Variants in FAT2 observed in about 807,000 individuals in gnomAD.
The protein encoded by FAT2 is FAT atypical cadherin 2.
In FAT2, 150 loss-of-function variants were observed where a neutral mutation model predicts 295.3. The ratio of observed to expected loss-of-function variants is 0.51; its 90% confidence interval spans 0.44 to 0.58. The LOEUF (loss-of-function observed/expected upper bound fraction) is 0.58. Among genes scored for constraint, FAT2 ranks in the 20% least tolerant of loss-of-function variants. The pLI is 0.00. For missense variants in FAT2, 4,868 were observed against 5,442.7 expected (o/e 0.89, Z 3.32); for synonymous variants, 2,026 against 2,150.3 (o/e 0.94, Z 1.60).
In FAT2 at chr5:151,544,890, G is replaced by C. The variant is rs758833250; in HGVS notation, c.6237C>G (p.Ile2079Met). ...CATCCCCTGGCTCTGTGCCATCTTG[G>C]ATGATTGTGTAATAGGGCAGATGCT... Reference protein sequence around the residue: ...KFKHLPYYTIIQDGTEPGDVL... With the variant: ...KFKHLPYYTIMQDGTEPGDVL... The change falls in exon 10 of 24, where the codon ATC becomes ATG. Residue 2079 changes from isoleucine to methionine, a missense_variant. Physicochemically the swap from Ile to Met is conservative, Grantham distance 10. This residue lies in a region of FAT2 where 3,297 missense variants were observed against 3,669.4 expected (regional missense o/e 0.90). Transcript: ENST00000261800. 6.2e-7 allele frequency: 1 copy of C among 1,614,146 alleles called. No homozygotes were observed. The highest frequency in any genetic ancestry group is 8.5e-7 in the Non-Finnish European group (1 of 1,180,024).
chr5:151,525,632 A>C, intron 18 of FAT2, 136 bp downstream of exon 18: 1 of 889,422 alleles, frequency 1.1e-6, no homozygotes, highest in Non-Finnish European at 1.7e-6. Flanking sequence ...TAGTCCTGAG[A>C]AGGACCTAGC....
Position 151,545,167 on chromosome 5 carries a change from A to C in FAT2, c.5960T>G (p.Leu1987Arg). Reference sequence around the variant, plus strand: ...ATTGCCCTGGGCACCAAGAATCACCAGTGCCTTTCTGTCCTGCAAGTTCTC... The same window carrying C: ...ATTGCCCTGGGCACCAAGAATCACCCGTGCCTTTCTGTCCTGCAAGTTCTC... ...VKENLQDRKA[L>R]VILGAQGNHL... is the part of the protein sequence containing the mutation. The change falls in exon 10 of 24, where the codon CTG becomes CGG. Residue 1987 changes from leucine to arginine, a missense_variant. By Grantham distance (102) the Leu-to-Arg change is moderately radical. Transcript: ENST00000261800. 1 of 1,614,218 alleles carries C rather than the reference A, an allele frequency of 6.2e-7. No homozygotes were observed. Among genetic ancestry groups the C allele is most frequent in the East Asian group, 2.2e-5 (1 of 44,888 alleles).
chr5:151,578,959 A>T (rs1758843927), intron 1 of FAT2, among the ~76,000 whole-genome samples: 1 of 152,266 alleles, frequency 6.6e-6, no homozygotes, highest in Non-Finnish European at 1.5e-5. Context: ...AACAGTGAAT[A>T]GAATGATGGT....
intron 20 of FAT2, among the ~76,000 whole-genome samples, chr5:151,516,845 C>A (rs530086256): frequency 6.6e-6 from 1 of 152,214 alleles, no homozygotes; most frequent in Admixed American, 6.5e-5. Context: ...GTGGTTCATG[C>A]CTGTAATCCT....
chr5:151,542,504 C>T lies in FAT2; in HGVS notation c.8623G>A (p.Val2875Met), dbSNP rs1471295609. ...GTCTGTCCGTGGTCATAGGCCACCACATGAAAATGATAAGTCTGGCAGGTC... is the reference window on the plus strand; with the variant it reads ...GTCTGTCCGTGGTCATAGGCCACCATATGAAAATGATAAGTCTGGCAGGTC... ...CETCQTYHFH[V>M]VAYDHGQTIQ... Residue 2875 changes from valine to methionine, a missense_variant, in exon 10 of 24, where the codon GTG becomes ATG. Val to Met is a conservative substitution (Grantham distance 21). Coordinates refer to ENST00000261800, the MANE Select transcript of FAT2 (RefSeq NM_001447.3). The T allele has an allele frequency of 1.2e-6, 2 of 1,614,188 alleles. No homozygotes were observed. Among genetic ancestry groups the T allele is most frequent in the East Asian group, 2.2e-5 (1 of 44,876 alleles).
At chr5:151,534,667 G>T in intron 12 of FAT2, 25 bp from the exon 13 acceptor site, 1 of 1,588,820 alleles carries the variant, frequency 6.3e-7, no homozygotes, top group East Asian at 2.3e-5. Flanking sequence ...GACAAAAGTT[G>T]AGCTTTCTCT....
chr5:151,505,995 G>C lies in FAT2; in HGVS notation c.12620C>G (p.Ala4207Gly). The C allele has an allele frequency of 1.3e-6, 2 of 1,573,488 alleles. No homozygotes were observed. Among genetic ancestry groups the C allele is most frequent in the East Asian group, 2.2e-5 (1 of 44,622 alleles). Residue 4207 changes from alanine to glycine, a missense_variant, in exon 24 of 24, where the codon GCT (alanine) becomes GGT (glycine). This residue lies in a region of FAT2 where 492 missense variants were observed against 482.6 expected (regional missense o/e 1.02). Transcript: ENST00000261800. Reference protein sequence around the residue: ...EVTQGPLPPSAHRHSTPVVMP... With the variant: ...EVTQGPLPPSGHRHSTPVVMP... ...CACGACTGGGGTTGAGTGGCGGTGA[G>C]CCGAGGGCGGCAGAGGGCCCTGAGT...
At position 151,533,506 on chromosome 5, in the gene FAT2, G is replaced by A. The variant is rs189873568; in HGVS notation, c.9427+903C>T. The stretch of plus-strand genomic sequence containing the variant: ...CCTCCCTAGAACCCCTACATCCCTC[G>A]AATATCTCACCTCCTTCAATGCCAA... On this transcript the variant is annotated intron_variant, in intron 13 of 23. Transcript: ENST00000261800. Among the ~76,000 whole-genome samples the A allele has an allele frequency of 2.0e-3, 294 of 150,720 alleles. 2 individuals are homozygous for A. The highest frequency in any genetic ancestry group is 7.0e-3 in the African/African-American group (285 of 41,006).
chr5:151,563,683 A>G (rs1183146023), intron 2 of FAT2, 44 bp from the exon 3 acceptor site: 1 of 1,561,564 alleles, frequency 6.4e-7, no homozygotes, highest in Admixed American at 1.8e-5. Flanking sequence ...TTAGAGCTCA[A>G]AGTGGCTTTA....
At chr5:151,565,318 T>C (rs1445711326) in intron 2 of FAT2, among the ~76,000 whole-genome samples, 1 of 151,914 alleles carries the variant, frequency 6.6e-6, no homozygotes, top group Admixed American at 6.6e-5. Context: ...GAAAGAAACT[T>C]TAGAAGATTA....
At chr5:151,516,145 C>G (rs1752842015) in intron 20 of FAT2, among the ~76,000 whole-genome samples, 2 of 152,186 alleles carry the variant, frequency 1.3e-5, no homozygotes, top group African/African-American at 4.8e-5. Flanking sequence ...CTAACTTTCT[C>G]ACCCTCTCCA....
intron 10 of FAT2, among the ~76,000 whole-genome samples, chr5:151,541,179 C>A (rs921293002): frequency 6.6e-6 from 1 of 152,106 alleles, no homozygotes; most frequent in Non-Finnish European, 1.5e-5. Flanking sequence ...AACTAAGGAC[C>A]CACCCTAAGT....
rs780106795 is a variant in FAT2, at chr5:151,544,789, TA to T, written c.6337del (p.Tyr2113ThrfsTer24). 6.2e-7 allele frequency: 1 copy of T among 1,614,194 alleles called. No individual in the cohort carries two copies. The highest frequency in any genetic ancestry group is 1.3e-5 in the African/African-American group (1 of 75,050). On this transcript the variant is annotated frameshift_variant, in exon 10 of 24. Transcript: ENST00000261800. LOFTEE classifies it high-confidence loss of function. Reference sequence around the variant, plus strand: ...ATAGGGGTCAATTCGGAAATATGTGTAATCTTCTGCAAATTCATATGTAACA... The same window carrying T: ...ATAGGGGTCAATTCGGAAATATGTGTATCTTCTGCAAATTCATATGTAACA... ...GAVTYEFAED[Y>X]TYFRIDPYLG...
In FAT2 at chr5:151,555,570, A is replaced by C. The variant is rs912673866; in HGVS notation, c.3633+774T>G. On this transcript the variant is annotated intron_variant, in intron 4 of 23. Coordinates refer to ENST00000261800, the MANE Select transcript of FAT2 (RefSeq NM_001447.3). ...TTTTTAGTACAGATGGGGTTTCATC[A>C]TGTTGGCCAGGCTGGTCTTGAACTC... Among the ~76,000 whole-genome samples, 8 of 151,870 alleles carry C rather than the reference A, an allele frequency of 5.3e-5. 1 individual carries two copies. The East Asian group carries it at 1.6e-3, about 29-fold the overall frequency.
At position 151,568,740 on chromosome 5, in the gene FAT2, C is replaced by G; in HGVS notation, c.192G>C (p.Glu64Asp). 5 of 1,614,162 alleles carry G rather than the reference C, an allele frequency of 3.1e-6. No homozygotes were observed. Among genetic ancestry groups the G allele is most frequent in the Non-Finnish European group, 4.2e-6 (5 of 1,180,034 alleles). The change falls in exon 2 of 24, where the codon GAG (glutamate) becomes GAC (aspartate). Residue 64 changes from glutamate to aspartate, a missense_variant. By Grantham distance (45) the Glu-to-Asp change is conservative. This residue lies in a region of FAT2 where 3,297 missense variants were observed against 3,669.4 expected (regional missense o/e 0.90). Transcript: ENST00000261800. ...SFEKMGIYLA[E>D]PQWAVRYRII... ...TCCGGTACCTCACTGCCCACTGTGG[C>G]TCCGCGAGGTAGATGCCCATTTTCT...
At position 151,507,342 on chromosome 5, in the gene FAT2, G is replaced by T. The variant is rs1282826860; in HGVS notation, c.12329C>A (p.Ser4110Tyr). The change falls in exon 23 of 24, where the codon TCC becomes TAC. Residue 4110 changes from serine (S) to tyrosine (Y), a missense_variant. Ser to Tyr is a moderately radical substitution (Grantham distance 144). Around this residue, in one of 5 missense-constraint regions of FAT2, gnomAD observed 492 missense variants for 482.6 expected, o/e 1.02. Transcript: ENST00000261800. Reference sequence around the variant, plus strand: ...TTCCGGTTGGTTGAGGTTGTTGCAGGAGCTGGCACTCAATGGGTTGAGCTC... The same window carrying T: ...TTCCGGTTGGTTGAGGTTGTTGCAGTAGCTGGCACTCAATGGGTTGAGCTC... ...AIELNPLSASSCNNLNQPEPS... is the reference protein window; with the variant it reads ...AIELNPLSASYCNNLNQPEPS... The T allele has an allele frequency of 1.1e-5, 17 of 1,614,066 alleles. No homozygotes were observed. Among genetic ancestry groups the T allele is most frequent in the Non-Finnish European group, 1.3e-5 (15 of 1,180,036 alleles).
Position 151,546,126 on chromosome 5 carries a change from T to A in FAT2, c.5001A>T (p.Val1667=), listed in dbSNP as rs1756606179. Residue 1667 remains valine, a synonymous_variant, in exon 10 of 24, where the codon GTA becomes GTT. Transcript: ENST00000261800. The stretch of plus-strand genomic sequence containing the variant: ...CAACAGGGATTGATTCAGGGATCTC[T>A]ACAAAGTACTCAGATTTTGAAAAGA... The part of the protein sequence containing the change: ...APIFSKSEYF[V]EIPESIPVGS... 3 of 1,613,842 alleles carry A rather than the reference T, an allele frequency of 1.9e-6. No homozygotes were observed. The highest frequency in any genetic ancestry group is 2.5e-6 in the Non-Finnish European group (3 of 1,179,842).
In FAT2 at chr5:151,565,997, C is replaced by T; in HGVS notation, c.2935G>A (p.Gly979Arg). 1 of 1,614,188 alleles carries T rather than the reference C, an allele frequency of 6.2e-7. No individual in the cohort carries two copies. Among genetic ancestry groups the T allele is most frequent in the Non-Finnish European group, 8.5e-7 (1 of 1,180,050 alleles). ...AGCTCTCTCTCCAGAATGAGCGCCC[C>T]TGTCATCAGGTCCACCCGGAAGGTC... ...HGTFRVDLMT[G>R]ALILERELDF... The change falls in exon 2 of 24, where the codon GGG becomes AGG. Residue 979 changes from glycine (G) to arginine (R), a missense_variant. Gly to Arg is a moderately radical substitution (Grantham distance 125). This residue lies in a region of FAT2 where 3,297 missense variants were observed against 3,669.4 expected (regional missense o/e 0.90). Transcript: ENST00000261800.
In FAT2 at chr5:151,544,586, G is replaced by A. The variant is rs1183587495; in HGVS notation, c.6541C>T (p.Pro2181Ser). Residue 2181 changes from proline to serine, a missense_variant, in exon 10 of 24, where the codon CCT (proline) becomes TCT (serine). By Grantham distance (74) the Pro-to-Ser change is moderately conservative. Coordinates refer to ENST00000261800, the MANE Select transcript of FAT2 (RefSeq NM_001447.3). ...GGGGTATAGAGGGTGATATTTTCAG[G>A]TACTCTGACTTTGTAATAAGGACTC... ...FQSPYYKVRV[P>S]ENITLYTPIL... 4 of 1,613,916 alleles carry A rather than the reference G, an allele frequency of 2.5e-6. No individual in the cohort carries two copies. In the African/African-American group the frequency reaches 4.0e-5, roughly 16 times the overall value.
Sources: allele counts gnomAD v4.1 joint callset (sites outside exome capture counted in the v4.1 genomes callset), GRCh38; gene constraint gnomAD v4.1.1; regional missense constraint gnomAD v4.1.1; transcripts MANE v1.5; gene names NCBI Gene and HGNC (gene_info 2026-07-23, HGNC 2026-07-21).